Variants in CNKSR2 observed in about 807,000 individuals in gnomAD.
CNKSR2 encodes CNK homolog protein 2.
A neutral mutation model predicts 84.4 loss-of-function variants in CNKSR2; 14 were observed. The ratio of observed to expected loss-of-function variants is 0.17; its 90% CI spans 0.11 to 0.26. The LOEUF is 0.26. CNKSR2 is among the 10% of genes least tolerant of loss of function. The probability of loss-of-function intolerance (pLI) is 1.00; values close to 1 mark genes in which losing one functional copy is unlikely to be tolerated. For synonymous variants in CNKSR2, 275 were observed against 277.9 expected, an observed-to-expected ratio of 0.99 and a Z score of 0.10; for missense variants, 485 against 771.2, an observed-to-expected ratio of 0.63 and a Z score of 4.40.
chrX:21,467,110 A>C (rs1008956021), intron 4 of CNKSR2, among the ~76,000 whole-genome samples: 19 of 111,856 alleles, frequency 1.7e-4, no homozygotes, highest in African/African-American at 6.2e-4. Context: ...GCTGGCAGAT[A>C]ATGTTATAAA....
At chrX:21,525,426 G>A (rs915468870) in intron 9 of CNKSR2, among the ~76,000 whole-genome samples, 3 of 110,668 alleles carry the variant, frequency 2.7e-5, no homozygotes, top group Non-Finnish European at 3.8e-5. Flanking sequence ...TAAAAATATC[G>A]TATAAGGTGG....
intron 5 of CNKSR2, among the ~76,000 whole-genome samples, chrX:21,484,972 A>G (rs894592942): frequency 9.0e-6 from 1 of 111,610 alleles, no homozygotes; most frequent in African/African-American, 3.3e-5. Context: ...TCATGAGGTC[A>G]GGAGTTCGAG....
intron 20 of CNKSR2, among the ~76,000 whole-genome samples, chrX:21,626,511 GAAAACT>G (rs771148331): frequency 9.4e-4 from 105 of 111,735 alleles, no homozygotes; most frequent in Middle Eastern, 9.3e-3. Context: ...ATACCAATTA[GAAAACT>G]AATTCAACAA....
intron 5 of CNKSR2, among the ~76,000 whole-genome samples, chrX:21,474,833 A>G (rs1211990099): frequency 6.2e-5 from 7 of 112,264 alleles, no homozygotes; most frequent in East Asian, 2.8e-4. Context: ...CAGTAGACAT[A>G]ACATAACTTT....
At chrX:21,493,119 T>C (rs1403207569) in intron 6 of CNKSR2, 1 of 112,166 alleles carries the variant, frequency 8.9e-6, no homozygotes, top group Non-Finnish European at 1.9e-5. Flanking sequence ...ATTAGTCAAA[T>C]CTCCTAGAAT....
At chrX:21,436,252 T>G (rs955732882) in intron 3 of CNKSR2, among the ~76,000 whole-genome samples, 1 of 111,559 alleles carries the variant, frequency 9.0e-6, no homozygotes, top group African/African-American at 3.3e-5. Context: ...TACCCTAAGG[T>G]TTCAGCAGTG....
intron 13 of CNKSR2, among the ~76,000 whole-genome samples, chrX:21,576,141 T>G (rs1362802391): frequency 2.7e-5 from 3 of 112,326 alleles, no homozygotes; most frequent in African/African-American, 9.7e-5. Context: ...CAAATGTGCA[T>G]GAGATACTCA....
intron 1 of CNKSR2, among the ~76,000 whole-genome samples, chrX:21,409,811 T>A (rs2090317621): frequency 9.0e-6 from 1 of 111,056 alleles, no homozygotes; most frequent in Non-Finnish European, 1.9e-5. Flanking sequence ...AAACATGAAA[T>A]TAGGGATTTA....
Position 21,609,014 on chromosome X carries a change from T to C in CNKSR2, c.2146-57T>C, listed in dbSNP as rs751512742. The C allele has an allele frequency of 3.0e-4, 343 of 1,143,740 alleles. 1 individual carries two copies. In the African/African-American group the frequency reaches 5.7e-3, roughly 19 times the overall value. The allele number at this position is 1,143,740 out of a possible 1,213,427, so 94.3% of individuals were successfully genotyped here. A position where few individuals can be genotyped will look rare whatever the true frequency, so the allele number is the denominator to read the frequency against. On this transcript the variant is annotated intron_variant, in intron 19 of 21. Transcript: ENST00000379510. ...CCTGGTAGAAACCGAATGTGTTCCT[T>C]GGAATGGAAGTGGTCTGTTATTTTG...
Position 21,450,065 on chromosome X carries a change from CTG to C in CNKSR2, c.519+9303_519+9304del, listed in dbSNP as rs112215037. On this transcript the variant is annotated intron_variant, in intron 4 of 21. Transcript: ENST00000379510. ...TCCTCAATACTGAAGTGTGTTTGTA[CTG>C]TGTGTGTGTGTGTGTGTGAGACACA... is the stretch of plus-strand genomic sequence containing the variant. Among the ~76,000 whole-genome samples the C allele has an allele frequency of 9.9e-3, 1,060 of 107,048 alleles. 12 individuals carry two copies. Among genetic ancestry groups the C allele is most frequent in the African/African-American group, 0.033 (968 of 29,415 alleles). 93.0% of individuals were successfully genotyped at this position (107,048 alleles called of 115,157 possible).
chrX:21,576,580 T>G (rs1270631677), intron 13 of CNKSR2, among the ~76,000 whole-genome samples: 3 of 111,432 alleles, frequency 2.7e-5, no homozygotes, highest in Non-Finnish European at 5.7e-5. Context: ...GATTTTTTAA[T>G]TTAAAAAATT....
At position 21,532,046 on chromosome X, in the gene CNKSR2, C is replaced by A. The variant is rs1064794022; in HGVS notation, c.1282C>A (p.Arg428=). The change falls in exon 11 of 22, where the codon CGA becomes AGA. Residue 428 remains arginine, a synonymous_variant. Transcript: ENST00000379510. Reference sequence around the variant, plus strand: ...AGGAAGATCAAGTAGTCAAGGAAGACGAGAAAGCACCCCAACTTATGGTAA... The same window carrying A: ...AGGAAGATCAAGTAGTCAAGGAAGAAGAGAAAGCACCCCAACTTATGGTAA... ...EKGRSSSQGR[R]ESTPTYGKLR... 4.2e-6 allele frequency: 5 copies of A among 1,188,059 alleles called. No homozygotes were observed. The African/African-American group carries it at 7.1e-5, about 17-fold the overall frequency.
intron 4 of CNKSR2, among the ~76,000 whole-genome samples, chrX:21,449,248 G>A (rs751760123): frequency 1.0e-5 from 1 of 98,344 alleles, no homozygotes. Flanking sequence ...AGGTTGCAGC[G>A]AGCCGAGATC....
intron 10 of CNKSR2, among the ~76,000 whole-genome samples, chrX:21,527,679 GCATT>G (rs1292601719): frequency 9.0e-6 from 1 of 110,719 alleles, no homozygotes; most frequent in Admixed American, 9.6e-5. Flanking sequence ...CTTCCTAAAA[GCATT>G]CTGATATCCA....
intron 11 of CNKSR2, among the ~76,000 whole-genome samples, chrX:21,557,816 G>A (rs2092152901): frequency 1.8e-5 from 2 of 111,145 alleles, no homozygotes; most frequent in African/African-American, 6.5e-5. Flanking sequence ...ACTATGTAAA[G>A]ATATGTCTTA....
intron 2 of CNKSR2, among the ~76,000 whole-genome samples, chrX:21,430,669 C>T (rs1310844777): frequency 8.9e-6 from 1 of 111,968 alleles, no homozygotes; most frequent in Non-Finnish European, 1.9e-5. Flanking sequence ...AAATACTTTG[C>T]TTTTCAGTAT....
At chrX:21,527,087 C>T in intron 10 of CNKSR2, 87 bp downstream of exon 10, 1 of 830,827 alleles carries the variant, frequency 1.2e-6, no homozygotes, top group Non-Finnish European at 1.7e-6. Flanking sequence ...TCTGAAGGAA[C>T]ACCTTGAATA....
At chrX:21,594,453 TA>T (rs754046218) in intron 15 of CNKSR2, 1 of 111,625 alleles carries the variant, frequency 9.0e-6, no homozygotes, top group Admixed American at 9.6e-5. Flanking sequence ...CCTTCACGTG[TA>T]CCCCTGAACC....
chrX:21,579,831 A>T lies in CNKSR2; in HGVS notation c.1609-10741A>T, dbSNP rs191717859. ...ATGTCCTCACCAGTGGGCTGAGAAC[A>T]AGCAAAATGTAATCTAGGTGCATTT... On this transcript the variant is annotated intron_variant, in intron 13 of 21. Coordinates refer to ENST00000379510, the MANE Select transcript of CNKSR2 (RefSeq NM_014927.5). Among the ~76,000 whole-genome samples, 10 of 111,981 alleles carry T rather than the reference A, an allele frequency of 8.9e-5. No individual in the cohort carries two copies. In the East Asian group the frequency reaches 2.8e-3, roughly 31 times the overall value.
Sources: gnomAD v4.1 joint callset for allele counts (sites outside exome capture counted in the v4.1 genomes callset) on GRCh38, gnomAD v4.1.1 for gene constraint, MANE v1.5 for transcripts, NCBI Gene and HGNC (gene_info 2026-07-23, HGNC 2026-07-21) for gene names.